UNC5D: variants seen among roughly 807,000 people sequenced by gnomAD.
The protein encoded by UNC5D is unc-5 netrin receptor D.
In UNC5D, 39 loss-of-function variants were observed where a neutral mutation model predicts 105.4. That is an observed-to-expected ratio of 0.37 (90% CI 0.29 to 0.48). The LOEUF is 0.48. UNC5D is among the 20% of genes least tolerant of loss of function. The pLI, the probability that UNC5D is intolerant of heterozygous loss-of-function variation, is 0.98. For missense variants in UNC5D, 991 were observed against 1,202.4 expected, an observed-to-expected ratio of 0.82 and a Z score of 2.60; for synonymous variants, 452 against 450.4, an observed-to-expected ratio of 1.00 and a Z score of -0.04.
chr8:35,289,968 A>G (rs1806914424), intron 1 of UNC5D, among the ~76,000 whole-genome samples: 1 of 152,126 alleles, frequency 6.6e-6, no homozygotes, highest in Non-Finnish European at 1.5e-5. Flanking sequence ...ATAAAAATAA[A>G]AATAAATTAT....
At chr8:35,480,383 G>A (rs1032414057) in intron 1 of UNC5D, among the ~76,000 whole-genome samples, 1 of 152,302 alleles carries the variant, frequency 6.6e-6, no homozygotes, top group East Asian at 1.9e-4. Context: ...TTGTTTTATT[G>A]TAAGAGTTGT....
At chr8:35,748,427 A>T (rs757014116) in intron 11 of UNC5D, 100 bp from the exon 12 acceptor site, 46 of 1,265,198 alleles carry the variant, frequency 3.6e-5, no homozygotes, top group Non-Finnish European at 4.9e-5. Flanking sequence ...AGGAATATTT[A>T]TAAGCCTGAA....
intron 1 of UNC5D, among the ~76,000 whole-genome samples, chr8:35,540,857 T>A (rs1383277943): frequency 6.6e-6 from 1 of 152,154 alleles, no homozygotes; most frequent in African/African-American, 2.4e-5. Flanking sequence ...CCTGTGTTAG[T>A]GTGGCTGAAA....
chr8:35,442,666 A>G (rs1392139656), intron 1 of UNC5D, among the ~76,000 whole-genome samples: 2 of 151,960 alleles, frequency 1.3e-5, no homozygotes, highest in Non-Finnish European at 2.9e-5. Context: ...GCACAACAAA[A>G]TTCACCAATG....
intron 8 of UNC5D, among the ~76,000 whole-genome samples, chr8:35,713,412 T>C (rs1828075918): frequency 6.6e-6 from 1 of 152,302 alleles, no homozygotes; most frequent in South Asian, 2.1e-4. Context: ...TGACTCTCTC[T>C]TCTGTTTCAA....
At chr8:35,256,860 C>T (rs1187163327) in intron 1 of UNC5D, among the ~76,000 whole-genome samples, 1 of 151,648 alleles carries the variant, frequency 6.6e-6, no homozygotes, top group African/African-American at 2.4e-5. Flanking sequence ...CTATTCCCAG[C>T]TTCTCCTTAG....
chr8:35,600,518 G>A (rs1256816923), intron 4 of UNC5D, among the ~76,000 whole-genome samples: 1 of 152,064 alleles, frequency 6.6e-6, no homozygotes, highest in Non-Finnish European at 1.5e-5. Flanking sequence ...GATTCTAATT[G>A]TGGTTTTGAT....
intron 7 of UNC5D, among the ~76,000 whole-genome samples, chr8:35,702,264 C>A (rs2131429891): frequency 6.6e-6 from 1 of 152,146 alleles, no homozygotes; most frequent in African/African-American, 2.4e-5. Flanking sequence ...ACCATAGCTA[C>A]CTCAAGGCAT....
intron 2 of UNC5D, among the ~76,000 whole-genome samples, chr8:35,561,096 G>A (rs1282531238): frequency 6.6e-6 from 1 of 152,170 alleles, no homozygotes; most frequent in Admixed American, 6.5e-5. Context: ...GCCCAGGGCT[G>A]GCTAATTTTT....
intron 11 of UNC5D, among the ~76,000 whole-genome samples, chr8:35,738,341 A>AC (rs768146598): frequency 1.3e-4 from 20 of 152,154 alleles, no homozygotes; most frequent in Admixed American, 4.6e-4. Flanking sequence ...GATAGCTGAG[A>AC]AGTCTGGTGC....
chr8:35,271,338 T>TGTATATGTATATGTATACACACGTGCAC (rs1805291339), intron 1 of UNC5D, among the ~76,000 whole-genome samples: 1 of 80,302 alleles, frequency 1.2e-5, no homozygotes, highest in East Asian at 5.5e-4. Context: ...CACACGTGCA[T>TGTATATGTATATGTATACACACGTGCAC]GTGTGTATGT....
intron 4 of UNC5D, among the ~76,000 whole-genome samples, chr8:35,608,957 T>C (rs1820500826): frequency 6.6e-6 from 1 of 152,150 alleles, no homozygotes; most frequent in Non-Finnish European, 1.5e-5. Context: ...GGTAATTCTG[T>C]TTTTATTTCT....
chr8:35,703,272 T>C (rs1385364759), intron 7 of UNC5D, among the ~76,000 whole-genome samples: 1 of 152,140 alleles, frequency 6.6e-6, no homozygotes, highest in African/African-American at 2.4e-5. Flanking sequence ...CATTTATTGA[T>C]GACAAACATG....
chr8:35,576,603 T>G (rs576650955), intron 3 of UNC5D, among the ~76,000 whole-genome samples: 38 of 151,592 alleles, frequency 2.5e-4, no homozygotes, highest in African/African-American at 8.5e-4. Flanking sequence ...AACAGAGTTG[T>G]TTGTTTGTTT....
chr8:35,511,528 A>G (rs2130357219), intron 1 of UNC5D, among the ~76,000 whole-genome samples: 2 of 151,860 alleles, frequency 1.3e-5, no homozygotes, highest in Admixed American at 1.3e-4. Context: ...TTCCAGGAGG[A>G]AGTTGTATGT....
chr8:35,439,970 C>T (rs1027440376), intron 1 of UNC5D, among the ~76,000 whole-genome samples: 5 of 151,972 alleles, frequency 3.3e-5, no homozygotes, highest in Non-Finnish European at 5.9e-5. Context: ...TAAGAAAGTA[C>T]ATCCAATAGC....
intron 9 of UNC5D, among the ~76,000 whole-genome samples, chr8:35,724,713 C>G (rs1828766332): frequency 6.6e-6 from 1 of 152,186 alleles, no homozygotes; most frequent in African/African-American, 2.4e-5. Context: ...GAGGCTAGGG[C>G]TTGAGATAAA....
chr8:35,271,931 T>C (rs1344155367), intron 1 of UNC5D, among the ~76,000 whole-genome samples: 1 of 151,944 alleles, frequency 6.6e-6, no homozygotes, highest in African/African-American at 2.4e-5. Flanking sequence ...GAAGCCTTCA[T>C]GTCACCGCTG....
chr8:35,432,681 C>T (rs1451049675), intron 1 of UNC5D, among the ~76,000 whole-genome samples: 1 of 152,112 alleles, frequency 6.6e-6, no homozygotes, highest in African/African-American at 2.4e-5. Context: ...AAAACGGGTC[C>T]CTCATCAGTT....
Sources: allele counts gnomAD v4.1 joint callset (sites outside exome capture counted in the v4.1 genomes callset), GRCh38; gene constraint gnomAD v4.1.1; transcripts MANE v1.5; gene names NCBI Gene and HGNC (gene_info 2026-07-23, HGNC 2026-07-21).